Variants in TMPRSS15 observed in about 807,000 individuals in gnomAD.
The protein encoded by TMPRSS15 is enteropeptidase.
A neutral mutation model predicts 125.3 loss-of-function variants in TMPRSS15; 128 were observed. That is an observed-to-expected ratio of 1.02 (90% CI 0.89 to 1.18). The LOEUF (loss-of-function observed/expected upper bound fraction) is 1.18, where lower values mean the gene tolerates loss of function less well. Among genes scored for constraint, TMPRSS15 ranks in the 50% most tolerant of loss-of-function variants. TMPRSS15 has a pLI of 0.00. For missense variants in TMPRSS15, 1,283 were observed against 1,212.7 expected (o/e 1.06, Z -0.86); for synonymous variants, 446 against 423.2 (o/e 1.05, Z -0.66).
At chr21:18,473,115 C>T (rs971727584) in intron 1 of TMPRSS15, among the ~76,000 whole-genome samples, 1 of 152,054 alleles carries the variant, frequency 6.6e-6, no homozygotes, top group African/African-American at 2.4e-5. Context: ...ACAAAGCACC[C>T]TTATCTAAAG....
chr21:18,423,991 T>C, intron 1 of TMPRSS15, among the ~76,000 whole-genome samples: 1 of 152,090 alleles, frequency 6.6e-6, no homozygotes, highest in East Asian at 1.9e-4. Flanking sequence ...AAAGGAGACA[T>C]TCAAGAGTGC....
intron 5 of TMPRSS15, among the ~76,000 whole-genome samples, chr21:18,375,483 A>T (rs912326385): frequency 6.6e-6 from 1 of 152,142 alleles, no homozygotes; most frequent in East Asian, 1.9e-4. Flanking sequence ...CCAACAGAAA[A>T]TTTTTAGGAA....
chr21:18,420,961 GATTT>G (rs2076190899), intron 1 of TMPRSS15, among the ~76,000 whole-genome samples: 1 of 152,144 alleles, frequency 6.6e-6, no homozygotes, highest in African/African-American at 2.4e-5. Flanking sequence ...AATCACTCTA[GATTT>G]ATTAAATAAG....
At chr21:18,480,718 A>G (rs1337391428) in intron 1 of TMPRSS15, among the ~76,000 whole-genome samples, 1 of 151,780 alleles carries the variant, frequency 6.6e-6, no homozygotes, top group African/African-American at 2.4e-5. Flanking sequence ...GTAGTTATCA[A>G]ATCTAAAAAA....
intron 1 of TMPRSS15, among the ~76,000 whole-genome samples, chr21:18,402,265 C>G (rs2076101723): frequency 6.6e-6 from 1 of 152,060 alleles, no homozygotes; most frequent in Admixed American, 6.6e-5. Flanking sequence ...GATACGGTGG[C>G]TCATGCCTGT....
chr21:18,384,524 T>C (rs1426755596), intron 3 of TMPRSS15, among the ~76,000 whole-genome samples: 1 of 152,144 alleles, frequency 6.6e-6, no homozygotes, highest in African/African-American at 2.4e-5. Context: ...AAAGGTAACT[T>C]TTTTTCAGTG....
intron 1 of TMPRSS15, among the ~76,000 whole-genome samples, chr21:18,399,850 G>T (rs1182010317): frequency 5.9e-5 from 9 of 152,010 alleles, no homozygotes; most frequent in Admixed American, 6.6e-5. Flanking sequence ...CTGCAAAAAG[G>T]CTCCTGAAAC....
chr21:18,430,969 T>A (rs529461365), intron 1 of TMPRSS15, among the ~76,000 whole-genome samples: 1 of 152,188 alleles, frequency 6.6e-6, no homozygotes, highest in South Asian at 2.1e-4. Context: ...ACTCTACACA[T>A]GTTAGTTTGC....
intron 1 of TMPRSS15, among the ~76,000 whole-genome samples, chr21:18,473,053 T>G (rs1459121066): frequency 6.6e-6 from 1 of 152,066 alleles, no homozygotes; most frequent in Non-Finnish European, 1.5e-5. Context: ...TTGTCCTAGC[T>G]CAATGTTTGA....
chr21:18,456,801 T>A (rs1978450042), intron 1 of TMPRSS15, among the ~76,000 whole-genome samples: 1 of 152,116 alleles, frequency 6.6e-6, no homozygotes, highest in South Asian at 2.1e-4. Context: ...TCAAACTCAA[T>A]AAAGATTTTC....
intron 1 of TMPRSS15, among the ~76,000 whole-genome samples, chr21:18,481,918 G>A (rs1255692833): frequency 6.6e-6 from 1 of 151,558 alleles, no homozygotes; most frequent in Admixed American, 6.6e-5. Context: ...AAACATGAAA[G>A]CAAATTCTGA....
intron 8 of TMPRSS15, among the ~76,000 whole-genome samples, chr21:18,358,599 T>C (rs2075648483): frequency 6.6e-6 from 1 of 151,938 alleles, no homozygotes; most frequent in Non-Finnish European, 1.5e-5. Context: ...ATATTTTTAC[T>C]TGGGCTTTTA....
At chr21:18,390,064 C>A (rs1030725648) in intron 3 of TMPRSS15, among the ~76,000 whole-genome samples, 6 of 152,312 alleles carry the variant, frequency 3.9e-5, no homozygotes, top group South Asian at 2.1e-4. Flanking sequence ...ATATCCTCAA[C>A]ATGCTACGTT....
chr21:18,283,336 T>C (rs1027406054), intron 21 of TMPRSS15, among the ~76,000 whole-genome samples: 8 of 142,774 alleles, frequency 5.6e-5, no homozygotes, highest in African/African-American at 1.9e-4. Flanking sequence ...AGGTAACAAG[T>C]AGTTACTTTA....
intron 1 of TMPRSS15, among the ~76,000 whole-genome samples, chr21:18,444,080 C>T (rs1452926335): frequency 6.6e-6 from 1 of 152,140 alleles, no homozygotes; most frequent in Non-Finnish European, 1.5e-5. Flanking sequence ...TCACAGCACA[C>T]TCCCCGCCCC....
At chr21:18,468,692 GAAT>G (rs1978716891) in intron 1 of TMPRSS15, among the ~76,000 whole-genome samples, 2 of 152,260 alleles carry the variant, frequency 1.3e-5, no homozygotes, top group African/African-American at 4.8e-5. Context: ...CTTCAAAGGA[GAAT>G]AATTGTTTTC....
intron 23 of TMPRSS15, among the ~76,000 whole-genome samples, chr21:18,276,172 AGATGAAG>A (rs1262630618): frequency 6.6e-6 from 1 of 152,254 alleles, no homozygotes; most frequent in East Asian, 1.9e-4. Flanking sequence ...TGCACTAAAA[AGATGAAG>A]GAAGCAAAAA....
chr21:18,335,668 T>G (rs2075384609), intron 13 of TMPRSS15, among the ~76,000 whole-genome samples: 1 of 152,208 alleles, frequency 6.6e-6, no homozygotes, highest in African/African-American at 2.4e-5. Flanking sequence ...CCTGATAAAA[T>G]AGATCAGTTA....
chr21:18,359,194 T>G (rs2075654879), intron 8 of TMPRSS15, among the ~76,000 whole-genome samples: 1 of 152,036 alleles, frequency 6.6e-6, no homozygotes, highest in African/African-American at 2.4e-5. Flanking sequence ...GGGCATTCCC[T>G]GCCCTCTTTT....
Sources: gnomAD v4.1 joint callset for allele counts (sites outside exome capture counted in the v4.1 genomes callset) on GRCh38, gnomAD v4.1.1 for gene constraint, MANE v1.5 for transcripts, NCBI Gene and HGNC (gene_info 2026-07-23, HGNC 2026-07-21) for gene names.